The following LEPR variants were observed in gnomAD, a reference collection of about 807,000 sequenced individuals.
LEPR encodes the protein leptin receptor, also known as OB receptor.
LEPR carries 56 observed loss-of-function variants against 114.7 expected under a neutral mutation model. The observed-to-expected ratio is 0.49, with a 90% CI of 0.39 to 0.61. The LOEUF (loss-of-function observed/expected upper bound fraction) is 0.61. Among genes scored for constraint, LEPR ranks in the 20% least tolerant of loss-of-function variants. The pLI, the probability that LEPR is intolerant of heterozygous loss-of-function variation, is 0.00. For synonymous variants in LEPR, 443 were observed against 461.4 expected (o/e 0.96, Z 0.51); for missense variants, 1,202 against 1,352.9 (o/e 0.89, Z 1.75).
chr1:65,519,032 CTTT>C (rs1453185214), intron 2 of LEPR, among the ~76,000 whole-genome samples: 1 of 137,060 alleles, frequency 7.3e-6, no homozygotes, highest in Non-Finnish European at 1.6e-5. Context: ...TCTCTTTCTT[CTTT>C]TCTTTTCTTT....
At chr1:65,602,290 G>A (rs1041671234) in intron 10 of LEPR, among the ~76,000 whole-genome samples, 18 of 151,926 alleles carry the variant, frequency 1.2e-4, no homozygotes, top group Non-Finnish European at 2.4e-4. Flanking sequence ...TTGACTAGAG[G>A]AGAATGTGAA....
intron 5 of LEPR, among the ~76,000 whole-genome samples, chr1:65,582,685 C>A (rs1309288144): frequency 6.6e-6 from 1 of 152,136 alleles, no homozygotes; most frequent in East Asian, 1.9e-4. Context: ...TGAATAAATT[C>A]TTTGAGTTCT....
rs1304393966 is a variant in LEPR, at chr1:65,638,783, G to A, written c.*1768G>A. On this transcript the variant is annotated 3_prime_UTR_variant, in exon 20 of 20. Coordinates refer to ENST00000349533, the MANE Select transcript of LEPR (RefSeq NM_002303.6). ...ACTAATGACCCCCTTACAAGAAATA[G>A]GTAAAGGGCTGATAGCAACTCATTA... is the stretch of plus-strand genomic sequence containing the variant. The A allele has an allele frequency of 6.6e-6, 1 of 152,134 alleles. No homozygotes were observed. The highest frequency in any genetic ancestry group is 1.9e-4 in the East Asian group (1 of 5,198). The allele number at this position is 152,134 out of a possible 1,614,324, so 9.4% of individuals were successfully genotyped here.
At chr1:65,443,421 C>T (rs1646674053) in intron 2 of LEPR, among the ~76,000 whole-genome samples, 1 of 150,890 alleles carries the variant, frequency 6.6e-6, no homozygotes, top group Admixed American at 6.6e-5. Context: ...TCAATAGGAA[C>T]AATTACATAA....
intron 19 of LEPR, chr1:65,629,274 CCTCCATTT>C: frequency 1.0e-5 from 4 of 390,214 alleles, no homozygotes; most frequent in South Asian, 7.7e-5. Context: ...CTTACGCTTC[CCTCCATTT>C]CTCCCTCTAC....
intron 2 of LEPR, among the ~76,000 whole-genome samples, chr1:65,488,265 C>G (rs1647675196): frequency 9.3e-6 from 1 of 107,152 alleles, no homozygotes; most frequent in Non-Finnish European, 1.9e-5. Context: ...TCTTTTCTTT[C>G]TCTTTCCTCT....
chr1:65,546,581 G>A (rs1422173248), intron 2 of LEPR, among the ~76,000 whole-genome samples: 2 of 152,134 alleles, frequency 1.3e-5, no homozygotes, highest in Admixed American at 6.6e-5. Context: ...TTTTGAATGG[G>A]AGTTCACTCA....
chr1:65,554,623 A>T (rs1227063332), intron 2 of LEPR, among the ~76,000 whole-genome samples: 1 of 152,158 alleles, frequency 6.6e-6, no homozygotes, highest in African/African-American at 2.4e-5. Context: ...ATTTCAAGCC[A>T]GTGGATCTTA....
intron 2 of LEPR, among the ~76,000 whole-genome samples, chr1:65,437,382 A>G (rs1394096966): frequency 1.3e-5 from 2 of 152,138 alleles, no homozygotes; most frequent in Non-Finnish European, 2.9e-5. Flanking sequence ...GCAAATGTCC[A>G]TTAACTGATG....
chr1:65,628,171 T>C (rs1658329023), intron 19 of LEPR, among the ~76,000 whole-genome samples: 1 of 152,306 alleles, frequency 6.6e-6, no homozygotes, highest in East Asian at 1.9e-4. Context: ...CATATGTGAT[T>C]AAAAATAATT....
intron 19 of LEPR, among the ~76,000 whole-genome samples, chr1:65,626,524 G>A (rs1003031780): frequency 6.6e-6 from 1 of 152,128 alleles, no homozygotes; most frequent in African/African-American, 2.4e-5. Context: ...GAATATAATA[G>A]AACATTTAAA....
rs138822270 is a variant in LEPR, at chr1:65,536,504, T to C, written c.-20-29042T>C. On this transcript the variant is annotated intron_variant, in intron 2 of 19. Coordinates refer to ENST00000349533, the MANE Select transcript of LEPR (RefSeq NM_002303.6). ...AAGATAACCATCATTTTTGTATCAG[T>C]AAAAAGAAAAAGCTCTGCGTATTTA... 9.9e-5 allele frequency among the ~76,000 whole-genome samples: 15 copies of C among 152,270 alleles called. 1 individual carries two copies. In the East Asian group the frequency reaches 2.9e-3, roughly 29 times the overall value.
rs772206604 is a variant in LEPR at position 65,610,260 on chromosome 1, T to C, written c.1959T>C (p.Thr653=). The change falls in exon 14 of 20, where the codon ACT becomes ACC. Residue 653 remains threonine, a synonymous_variant. Transcript: ENST00000349533. ...TTTGGAGAATAATTAATGGAGATAC[T>C]ATGAAAAAGGAGAAAAATGTCACTT... ...PEFWRIINGD[T]MKKEKNVTLL... 79 of 1,613,622 alleles carry C rather than the reference T, an allele frequency of 4.9e-5. No homozygotes were observed. Among genetic ancestry groups the C allele is most frequent in the Non-Finnish European group, 6.0e-5 (71 of 1,179,742 alleles).
intron 2 of LEPR, among the ~76,000 whole-genome samples, chr1:65,557,002 C>A (rs1348519060): frequency 6.6e-6 from 1 of 152,048 alleles, no homozygotes; most frequent in Non-Finnish European, 1.5e-5. Context: ...AACTGGGGAG[C>A]AAGGACAGAA....
At chr1:65,525,119 C>T (rs1481911800) in intron 2 of LEPR, among the ~76,000 whole-genome samples, 1 of 152,208 alleles carries the variant, frequency 6.6e-6, no homozygotes, top group East Asian at 1.9e-4. Flanking sequence ...ATAAGCATGA[C>T]GAAGATGCTG....
At chr1:65,521,010 T>G (rs1249231538) in intron 2 of LEPR, among the ~76,000 whole-genome samples, 1 of 152,232 alleles carries the variant, frequency 6.6e-6, no homozygotes, top group East Asian at 1.9e-4. Context: ...CATGTCACAG[T>G]GCTGCAGAGA....
chr1:65,605,367 G>A, intron 11 of LEPR, 130 bp downstream of exon 11: 1 of 1,134,096 alleles, frequency 8.8e-7, no homozygotes, highest in Non-Finnish European at 1.3e-6. Context: ...CCTGTTTACA[G>A]TGGTATTGAG....
intron 2 of LEPR, among the ~76,000 whole-genome samples, chr1:65,464,140 A>G (rs1456184227): frequency 6.6e-6 from 1 of 152,214 alleles, no homozygotes; most frequent in Admixed American, 6.5e-5. Context: ...TTGCCCATTC[A>G]GTATGATACT....
intron 5 of LEPR, among the ~76,000 whole-genome samples, chr1:65,585,285 A>G (rs1655240425): frequency 6.6e-6 from 1 of 152,014 alleles, no homozygotes; most frequent in African/African-American, 2.4e-5. Context: ...TTTGTTCACT[A>G]TTTTGCTGTC....
Sources: gnomAD v4.1 joint callset for allele counts (sites outside exome capture counted in the v4.1 genomes callset) on GRCh38, gnomAD v4.1.1 for gene constraint, MANE v1.5 for transcripts, NCBI Gene and HGNC (gene_info 2026-07-23, HGNC 2026-07-21) for gene names.